FGF12: variants seen among roughly 807,000 people sequenced by gnomAD.
FGF12 encodes fibroblast growth factor 12.
In FGF12, 14 loss-of-function variants were observed where a neutral mutation model predicts 23.6. The observed-to-expected ratio is 0.59, with a 90% CI of 0.39 to 0.93. The LOEUF is 0.93. FGF12 is among the 40% of genes least tolerant of loss of function. FGF12 has a pLI of 0.00. For synonymous variants in FGF12, 62 were observed against 77.3 expected (o/e 0.80, Z 1.04); for missense variants, 175 against 217.8 (o/e 0.80, Z 1.24).
intron 4 of FGF12, among the ~76,000 whole-genome samples, chr3:192,322,575 C>T (rs540166272): frequency 2.0e-5 from 3 of 151,942 alleles, no homozygotes; most frequent in African/African-American, 7.2e-5. Context: ...CTGAGAGAAT[C>T]GCATTACCTG....
At chr3:192,328,349 G>C (rs778798118) in intron 4 of FGF12, among the ~76,000 whole-genome samples, 1 of 152,206 alleles carries the variant, frequency 6.6e-6, no homozygotes, top group Non-Finnish European at 1.5e-5. Context: ...AAGCACATGC[G>C]CAATGAATGA....
chr3:192,457,363 A>G (rs891032131), intron 2 of FGF12, among the ~76,000 whole-genome samples: 1 of 152,216 alleles, frequency 6.6e-6, no homozygotes, highest in Admixed American at 6.5e-5. Flanking sequence ...GAAAATGTGG[A>G]AAAGTTTGGA....
chr3:192,191,127 C>G (rs898587936), intron 4 of FGF12, among the ~76,000 whole-genome samples: 3 of 152,100 alleles, frequency 2.0e-5, no homozygotes, highest in Admixed American at 2.0e-4. Context: ...ACTACCCTGA[C>G]ATAATATGGA....
intron 2 of FGF12, among the ~76,000 whole-genome samples, chr3:192,675,329 C>G (rs936708782): frequency 1.3e-5 from 2 of 148,378 alleles, no homozygotes; most frequent in African/African-American, 5.0e-5. Flanking sequence ...CTTTTTTTTT[C>G]AAGTGAGGCT....
At chr3:192,553,117 G>C (rs1472256910) in intron 2 of FGF12, among the ~76,000 whole-genome samples, 2 of 151,998 alleles carry the variant, frequency 1.3e-5, no homozygotes, top group African/African-American at 2.4e-5. Flanking sequence ...TGTTATTAAT[G>C]GTTCTTCAAA....
At chr3:192,701,843 T>C (rs965378411) in intron 2 of FGF12, among the ~76,000 whole-genome samples, 7 of 152,188 alleles carry the variant, frequency 4.6e-5, no homozygotes, top group African/African-American at 1.7e-4. Flanking sequence ...CAATTACCAT[T>C]TCCATCATCT....
intron 4 of FGF12, among the ~76,000 whole-genome samples, chr3:192,229,826 T>A (rs1718929513): frequency 6.6e-6 from 1 of 152,158 alleles, no homozygotes. Flanking sequence ...GCTCTTGCAC[T>A]ATGTTTACTA....
chr3:192,237,132 C>A (rs1719343786), intron 4 of FGF12, among the ~76,000 whole-genome samples: 1 of 152,152 alleles, frequency 6.6e-6, no homozygotes, highest in African/African-American at 2.4e-5. Context: ...GCTGAAATTT[C>A]TTTTCTTTAA....
rs115111063 is a variant in FGF12 at position 192,445,793 on chromosome 3, C to T, written c.14-85255G>A. The stretch of plus-strand genomic sequence containing the variant: ...TAGCCAAGCAAAAAGATTGGCAGCA[C>T]GGCCACCAGAAAACAAACCTCCCAC... On this transcript the variant is annotated intron_variant, in intron 2 of 5. Transcript: ENST00000445105. 4.0e-3 allele frequency among the ~76,000 whole-genome samples: 613 copies of T among 152,256 alleles called. 6 individuals are homozygous for T. Among genetic ancestry groups the T allele is most frequent in the African/African-American group, 0.013 (560 of 41,538 alleles).
At chr3:192,207,323 T>C (rs1489785546) in intron 4 of FGF12, among the ~76,000 whole-genome samples, 1 of 152,190 alleles carries the variant, frequency 6.6e-6, no homozygotes, top group Admixed American at 6.5e-5. Context: ...TGTGGAGACA[T>C]ATAATTACAA....
At chr3:192,212,432 CGGT>C (rs1430669888) in intron 4 of FGF12, among the ~76,000 whole-genome samples, 1 of 151,918 alleles carries the variant, frequency 6.6e-6, no homozygotes, top group Middle Eastern at 3.2e-3. Flanking sequence ...TTATGTAAAA[CGGT>C]GTGGGGAGAA....
intron 4 of FGF12, among the ~76,000 whole-genome samples, chr3:192,200,209 GTC>G (rs771594473): frequency 6.6e-6 from 1 of 151,460 alleles, no homozygotes; most frequent in Non-Finnish European, 1.5e-5. Flanking sequence ...TGCTCCTGTA[GTC>G]CCAGCTACTC....
At chr3:192,596,252 T>G (rs905608244) in intron 2 of FGF12, among the ~76,000 whole-genome samples, 1 of 151,844 alleles carries the variant, frequency 6.6e-6, no homozygotes, top group Non-Finnish European at 1.5e-5. Context: ...GTAATTTTTG[T>G]AAATTTATTG....
At chr3:192,190,909 C>T (rs920567790) in intron 4 of FGF12, among the ~76,000 whole-genome samples, 4 of 152,020 alleles carry the variant, frequency 2.6e-5, no homozygotes, top group Non-Finnish European at 4.4e-5. Context: ...GTATGTGCAA[C>T]GGATTATTAT....
Position 192,183,942 on chromosome 3 carries a change from T to C in FGF12, c.229-13286A>G, listed in dbSNP as rs138045980. Among the ~76,000 whole-genome samples the C allele has an allele frequency of 3.2e-4, 48 of 152,260 alleles. 1 individual carries two copies. The East Asian group carries it at 8.9e-3, about 28-fold the overall frequency. ...GATTAGCTAAAATAGACTTTTATAA[T>C]CCAGGCATGGTGGCTCACACCTGTA... On this transcript the variant is annotated intron_variant, in intron 4 of 5. Transcript: ENST00000445105.
At chr3:192,632,582 C>T (rs1176117321) in intron 2 of FGF12, among the ~76,000 whole-genome samples, 2 of 152,140 alleles carry the variant, frequency 1.3e-5, no homozygotes, top group South Asian at 4.1e-4. Flanking sequence ...AGATATATTT[C>T]CCAACACTAG....
rs575447080 is a variant in FGF12, at chr3:192,231,219, A to T, written c.229-60563T>A. ...TATATTATTGATGCAGGTTTCAGTC[A>T]TGCTGAACAAACCTTAAAATGCATG... On this transcript the variant is annotated intron_variant, in intron 4 of 5. Coordinates refer to ENST00000445105, the MANE Select transcript of FGF12 (RefSeq NM_004113.6). Among the ~76,000 whole-genome samples, 8 of 152,268 alleles carry T rather than the reference A, an allele frequency of 5.3e-5. No individual in the cohort carries two copies. The South Asian group carries it at 1.7e-3, about 32-fold the overall frequency.
intron 4 of FGF12, among the ~76,000 whole-genome samples, chr3:192,178,650 C>T (rs1436998670): frequency 6.6e-6 from 1 of 152,160 alleles, no homozygotes; most frequent in African/African-American, 2.4e-5. Flanking sequence ...AGGCGCCTGC[C>T]ACCATGCCTT....
intron 2 of FGF12, among the ~76,000 whole-genome samples, chr3:192,599,295 C>T (rs953363148): frequency 3.1e-5 from 3 of 97,676 alleles, no homozygotes; most frequent in African/African-American, 1.5e-4. Flanking sequence ...AAGACTGTTA[C>T]CTTTGGAATC....
Sources: allele counts gnomAD v4.1 joint callset (sites outside exome capture counted in the v4.1 genomes callset), GRCh38; gene constraint gnomAD v4.1.1; transcripts MANE v1.5; gene names NCBI Gene and HGNC (gene_info 2026-07-23, HGNC 2026-07-21).